TAB1: variants seen among roughly 807,000 people sequenced by gnomAD.
TAB1 encodes the protein TGF-beta-activated kinase 1 and MAP3K7-binding protein 1.
Under a neutral mutation model 54.5 loss-of-function variants are expected in TAB1, and 30 were observed. The observed-to-expected ratio is 0.55, with a 90% CI of 0.41 to 0.75. The LOEUF is 0.75. TAB1 is among the 30% of genes least tolerant of loss of function. TAB1 has a pLI of 0.00. For missense variants in TAB1, 609 were observed against 683.2 expected (o/e 0.89, Z 1.21); for synonymous variants, 289 against 286.9 (o/e 1.01, Z -0.07).
At chr22:39,411,818 C>T (rs191006423) in intron 1 of TAB1, among the ~76,000 whole-genome samples, 1 of 152,278 alleles carries the variant, frequency 6.6e-6, no homozygotes, top group Non-Finnish European at 1.5e-5. Flanking sequence ...AGAAACGAAA[C>T]AGCCCAAATG....
chr22:39,427,653 C>G (rs1927409692), intron 9 of TAB1, among the ~76,000 whole-genome samples: 1 of 152,220 alleles, frequency 6.6e-6, no homozygotes, highest in African/African-American at 2.4e-5. Flanking sequence ...TGGAGTTTCT[C>G]TGGCCTGTTT....
chr22:39,436,865 T>G (rs560191842), downstream of TAB1: 2 of 393,320 alleles, frequency 5.1e-6, no homozygotes, highest in East Asian at 4.7e-5. Flanking sequence ...CTGCAGTGAC[T>G]CTGGGGTTCC....
chr22:39,424,206 A>C (rs1927218980), intron 8 of TAB1, among the ~76,000 whole-genome samples: 1 of 152,210 alleles, frequency 6.6e-6, no homozygotes, highest in Non-Finnish European at 1.5e-5. Context: ...GTAGTATTCC[A>C]TAGTTTATAG....
chr22:39,435,141 G>A (rs1042077646), downstream of TAB1, among the ~76,000 whole-genome samples: 2 of 152,190 alleles, frequency 1.3e-5, no homozygotes, highest in Admixed American at 1.3e-4. Context: ...AGGACCCCCC[G>A]AGTTTTGGGG....
At chr22:39,419,781 T>C in intron 7 of TAB1, 151 bp downstream of exon 7, 1 of 408,796 alleles carries the variant, frequency 2.4e-6, no homozygotes, top group Non-Finnish European at 4.4e-6. Flanking sequence ...AGCAAGACCC[T>C]GTCTCAAAAA....
chr22:39,407,024 C>T (rs761997035), intron 1 of TAB1, among the ~76,000 whole-genome samples: 1 of 152,158 alleles, frequency 6.6e-6, no homozygotes, highest in Non-Finnish European at 1.5e-5. Context: ...GTTAATCTGT[C>T]AAAGGGCAAA....
chr22:39,402,720 T>G (rs185125594), intron 1 of TAB1, among the ~76,000 whole-genome samples: 1 of 152,148 alleles, frequency 6.6e-6, no homozygotes, highest in Non-Finnish European at 1.5e-5. Flanking sequence ...ACCAGCTAAC[T>G]TTCATATTTT....
At chr22:39,433,759 A>G (rs1337602655), downstream of TAB1, 11 of 985,320 alleles carry the variant, frequency 1.1e-5, no homozygotes, top group Non-Finnish European at 1.3e-5. Context: ...GAGCGACTCC[A>G]GGCTGCTCAG....
At chr22:39,427,023 CAGG>C in intron 9 of TAB1, 98 bp downstream of exon 9, 1 of 1,215,724 alleles carries the variant, frequency 8.2e-7, no homozygotes, top group South Asian at 1.4e-5. Flanking sequence ...GAGATGGAGT[CAGG>C]AGGCCTGGCT....
Position 39,418,641 on chromosome 22 carries a change from G to C in TAB1, c.551-91G>C, listed in dbSNP as rs979483270. Reference sequence around the variant, plus strand: ...GCCCATTTCAGGTATTTCCATGTGTGAAATGCCTGCCTTTTCCCTCTCTGC... The same window carrying C: ...GCCCATTTCAGGTATTTCCATGTGTCAAATGCCTGCCTTTTCCCTCTCTGC... On this transcript the variant is annotated intron_variant, in intron 5 of 10. Transcript: ENST00000216160. The C allele has an allele frequency of 2.1e-5, 21 of 979,732 alleles. No homozygotes were observed. The African/African-American group carries it at 2.7e-4, about 13-fold the overall frequency. The allele number at this position is 979,732 out of a possible 1,614,324, so 60.7% of individuals were successfully genotyped here. A position where few individuals can be genotyped will look rare whatever the true frequency, so the allele number is the denominator to read the frequency against.
Position 39,415,428 on chromosome 22 carries a change from TC to T in TAB1, c.171-70del, listed in dbSNP as rs1926782786. 11 of 1,565,738 alleles carry T rather than the reference TC, an allele frequency of 7.0e-6. No homozygotes were observed. Among genetic ancestry groups the T allele is most frequent in the Non-Finnish European group, 9.6e-6 (11 of 1,142,832 alleles). On this transcript the variant is annotated intron_variant, in intron 2 of 10. Coordinates refer to ENST00000216160, the MANE Select transcript of TAB1 (RefSeq NM_006116.3). The surrounding 1 kb of genome is among the most constrained non-coding windows in gnomAD (Gnocchi z 4.9). ...TGCTGTCGCTTTAGTCTCCCCCAAT[TC>T]CTTTCCCTTTCTCCCTCCACCTCCG...
At chr22:39,421,557 G>A (rs1173581420) in intron 7 of TAB1, among the ~76,000 whole-genome samples, 4 of 152,176 alleles carry the variant, frequency 2.6e-5, no homozygotes, top group African/African-American at 4.8e-5. Context: ...TGAACAGGAC[G>A]TATGGAACAG....
chr22:39,401,201 T>A (rs1236256343), intron 1 of TAB1, among the ~76,000 whole-genome samples: 1 of 152,228 alleles, frequency 6.6e-6, no homozygotes, highest in African/African-American at 2.4e-5. Flanking sequence ...GTGCTCGCCC[T>A]TGGCGTCACA....
At position 39,416,843 on chromosome 22, in the gene TAB1, C is replaced by G; in HGVS notation, c.377C>G (p.Ala126Gly). The change falls in exon 4 of 11, where the codon GCT (alanine) becomes GGT (glycine). Residue 126 changes from alanine (A) to glycine (G), a missense_variant. Coordinates refer to ENST00000216160, the MANE Select transcript of TAB1 (RefSeq NM_006116.3). ...SFLESIDDAL[A>G]EKASLQSQLP... ...CTGGAGTCCATTGACGACGCCTTGG[C>G]TGAGAAGGCAAGCCTCCAGTCGCAA... 6.2e-7 allele frequency: 1 copy of G among 1,614,232 alleles called. No individual in the cohort carries two copies. The highest frequency in any genetic ancestry group is 8.5e-7 in the Non-Finnish European group (1 of 1,180,038).
chr22:39,434,127 G>A (rs551212065), downstream of TAB1, among the ~76,000 whole-genome samples: 11 of 152,332 alleles, frequency 7.2e-5, no homozygotes, highest in South Asian at 2.1e-4. Flanking sequence ...AAAATGAGGC[G>A]ACGACCCACT....
At chr22:39,410,704 G>A (rs931420173) in intron 1 of TAB1, among the ~76,000 whole-genome samples, 1 of 152,062 alleles carries the variant, frequency 6.6e-6, no homozygotes, top group Admixed American at 6.6e-5. Context: ...ACCCAGTGAA[G>A]ACATAAATAA....
At chr22:39,417,215 T>C (rs1431017855) in intron 4 of TAB1, among the ~76,000 whole-genome samples, 1 of 152,244 alleles carries the variant, frequency 6.6e-6, no homozygotes, top group Non-Finnish European at 1.5e-5. Flanking sequence ...AGTTCGGTCA[T>C]CTCCAGCTTT....
chr22:39,421,744 C>A, intron 7 of TAB1, 83 bp from the exon 8 acceptor site: 1 of 1,422,136 alleles, frequency 7.0e-7, no homozygotes, highest in Non-Finnish European at 9.7e-7. Flanking sequence ...ACATTCTGGG[C>A]ATAGATTCCT....
At chr22:39,436,521 G>T (rs775053966), downstream of TAB1, 1 of 1,614,080 alleles carries the variant, frequency 6.2e-7, no homozygotes, top group South Asian at 1.1e-5. Flanking sequence ...CGATTTGACA[G>T]CCATCCCTCA....
Sources: allele counts gnomAD v4.1 joint callset (sites outside exome capture counted in the v4.1 genomes callset), GRCh38; gene constraint gnomAD v4.1.1; non-coding constraint Gnocchi (gnomAD v3.1); transcripts MANE v1.5; gene names NCBI Gene and HGNC (gene_info 2026-07-23, HGNC 2026-07-21).